The following IGF2BP2 variants were observed in gnomAD, a reference collection of about 807,000 sequenced individuals.
IGF2BP2 encodes insulin like growth factor 2 mRNA binding protein 2, also known as insulin-like growth factor 2 mRNA-binding protein 2.
In IGF2BP2, 17 loss-of-function variants were observed where a neutral mutation model predicts 75.8. The ratio of observed to expected loss-of-function variants is 0.22; its 90% confidence interval spans 0.15 to 0.34. IGF2BP2 has a LOEUF of 0.34. IGF2BP2 is among the 10% of genes least tolerant of loss of function. The pLI is 1.00. For missense variants in IGF2BP2, 516 were observed against 772.4 expected (o/e 0.67, Z 3.93); for synonymous variants, 288 against 295.6 (o/e 0.97, Z 0.26).
At chr3:185,729,974 A>G (rs1393442757) in intron 2 of IGF2BP2, among the ~76,000 whole-genome samples, 1 of 152,174 alleles carries the variant, frequency 6.6e-6, no homozygotes, top group Non-Finnish European at 1.5e-5. Context: ...ACTTTAGAAA[A>G]AATATTGTTT....
At chr3:185,800,994 G>T (rs551443520) in intron 2 of IGF2BP2, among the ~76,000 whole-genome samples, 1 of 148,302 alleles carries the variant, frequency 6.7e-6, no homozygotes, top group Admixed American at 6.7e-5. Context: ...AATCTACAAG[G>T]AACTTAAACA....
intron 2 of IGF2BP2, among the ~76,000 whole-genome samples, chr3:185,729,485 T>C (rs73175565): frequency 0.14 from 21,878 of 152,252 alleles, 1,871 homozygotes; most frequent in Middle Eastern, 0.25. Context: ...AGCTTGCAGC[T>C]TCCCAATACT....
chr3:185,756,391 C>A (rs1004265874), intron 2 of IGF2BP2, among the ~76,000 whole-genome samples: 5 of 152,134 alleles, frequency 3.3e-5, no homozygotes, highest in Non-Finnish European at 7.4e-5. Flanking sequence ...TCTTTTATAG[C>A]AATACAAAAA....
At chr3:185,663,566 G>A (rs183607350) in intron 10 of IGF2BP2, among the ~76,000 whole-genome samples, 55 of 152,170 alleles carry the variant, frequency 3.6e-4, no homozygotes, top group African/African-American at 1.2e-3. Flanking sequence ...TTCAAGCTGC[G>A]ATGTGTGACC....
At chr3:185,680,201 T>C (rs562150922) in intron 7 of IGF2BP2, among the ~76,000 whole-genome samples, 47 of 152,236 alleles carry the variant, frequency 3.1e-4, no homozygotes, top group African/African-American at 1.1e-3. Context: ...TTTAATAACC[T>C]AGAAGAAATG....
rs80286766 is a variant in IGF2BP2 at position 185,713,431 on chromosome 3, G to A, written c.240-15084C>T. On this transcript the variant is annotated intron_variant, in intron 2 of 15. Coordinates refer to ENST00000382199, the MANE Select transcript of IGF2BP2 (RefSeq NM_006548.6). ...CAGCAGTGGGCGGCTTGGTTTAATG[G>A]CAACACCACTAGATAACTGTCTAAG... is the stretch of plus-strand genomic sequence containing the variant. 3.1e-4 allele frequency: 159 copies of A among 520,032 alleles called. 1 individual carries two copies. The East Asian group carries it at 8.1e-3, about 26-fold the overall frequency. The allele number at this position is 520,032 out of a possible 1,614,324, so 32.2% of individuals were successfully genotyped here. A position where few individuals can be genotyped will look rare whatever the true frequency, so the allele number is the denominator to read the frequency against.
At chr3:185,689,253 C>G in intron 6 of IGF2BP2, 102 bp downstream of exon 6, 2 of 1,210,646 alleles carry the variant, frequency 1.7e-6, no homozygotes, top group Non-Finnish European at 2.3e-6. Flanking sequence ...AGCACAGCCC[C>G]CCACTGCTGA....
chr3:185,708,038 T>G (rs147317881), intron 2 of IGF2BP2, among the ~76,000 whole-genome samples: 1 of 152,230 alleles, frequency 6.6e-6, no homozygotes, highest in Non-Finnish European at 1.5e-5. Flanking sequence ...AAATCACCAT[T>G]ACTACTGACA....
intron 2 of IGF2BP2, among the ~76,000 whole-genome samples, chr3:185,736,220 G>A (rs1184101735): frequency 6.6e-6 from 1 of 152,180 alleles, no homozygotes; most frequent in Non-Finnish European, 1.5e-5. Context: ...CAAGGTCACG[G>A]GGACTCGGAG....
chr3:185,784,773 A>G (rs1469989065), intron 2 of IGF2BP2, among the ~76,000 whole-genome samples: 2 of 152,192 alleles, frequency 1.3e-5, no homozygotes, highest in Non-Finnish European at 2.9e-5. Flanking sequence ...TACAATGGGC[A>G]TTTGCAGAAG....
At chr3:185,792,761 G>A (rs1392030401) in intron 2 of IGF2BP2, among the ~76,000 whole-genome samples, 3 of 142,728 alleles carry the variant, frequency 2.1e-5, no homozygotes, top group Admixed American at 7.1e-5. Context: ...ACAAGACTCC[G>A]TCTCAAAAAA....
rs202064714 is a variant in IGF2BP2 at position 185,820,235 on chromosome 3, TACACACAC to T, written c.239+2910_239+2917del. The stretch of plus-strand genomic sequence containing the variant: ...GTGTGTGTATGTGTATATATACACA[TACACACAC>T]ACACACACACACACACACACACACA... On this transcript the variant is annotated intron_variant, in intron 2 of 15. Transcript: ENST00000382199. Among the ~76,000 whole-genome samples the T allele has an allele frequency of 6.2e-3, 641 of 102,814 alleles. 1 individual carries two copies. Among genetic ancestry groups the T allele is most frequent in the African/African-American group, 0.017 (464 of 27,192 alleles). 67.4% of individuals were successfully genotyped at this position (102,814 alleles called of 152,430 possible). A position where few individuals can be genotyped will look rare whatever the true frequency, so the allele number is the denominator to read the frequency against.
At chr3:185,702,401 G>A (rs140999275) in intron 2 of IGF2BP2, among the ~76,000 whole-genome samples, 2 of 151,920 alleles carry the variant, frequency 1.3e-5, no homozygotes, top group African/African-American at 4.8e-5. Context: ...TGAGAGTATC[G>A]ATCTTTCTCC....
chr3:185,706,741 CTTTT>C (rs768995397), intron 2 of IGF2BP2, among the ~76,000 whole-genome samples: 8 of 139,410 alleles, frequency 5.7e-5, no homozygotes, highest in Admixed American at 7.2e-5. Context: ...GAGATTCCTT[CTTTT>C]TTTTTTTTTT....
At position 185,823,197 on chromosome 3, in the gene IGF2BP2, A is replaced by T. The variant is rs1039767729; in HGVS notation, c.195T>A (p.His65Gln). 27 of 1,609,936 alleles carry T rather than the reference A, an allele frequency of 1.7e-5. No individual in the cohort carries two copies. Among genetic ancestry groups the T allele is most frequent in the Non-Finnish European group, 2.3e-5 (27 of 1,177,874 alleles). The part of the protein sequence containing the change: ...IETLSGKVEL[H>Q]GKIMEVDYSV... ...AGTAATCAACTTCCATGATTTTCCC[A>T]TGCAATTCCACTTTACCTTTAAAAC... is the stretch of plus-strand genomic sequence containing the variant. Residue 65 changes from histidine (H) to glutamine (Q), a missense_variant, in exon 2 of 16, where the codon CAT (histidine) becomes CAA (glutamine). His to Gln is a conservative substitution (Grantham distance 24). Coordinates refer to ENST00000382199, the MANE Select transcript of IGF2BP2 (RefSeq NM_006548.6).
chr3:185,821,616 A>C (rs1269311176), intron 2 of IGF2BP2, among the ~76,000 whole-genome samples: 1 of 152,126 alleles, frequency 6.6e-6, no homozygotes, highest in Non-Finnish European at 1.5e-5. Context: ...ATGAGACACC[A>C]ACTAAGATAA....
At chr3:185,768,327 G>C (rs1733373449) in intron 2 of IGF2BP2, among the ~76,000 whole-genome samples, 1 of 152,150 alleles carries the variant, frequency 6.6e-6, no homozygotes, top group African/African-American at 2.4e-5. Flanking sequence ...TGAAGAACCT[G>C]GGCGACATGA....
At chr3:185,704,203 C>A (rs974405296) in intron 2 of IGF2BP2, among the ~76,000 whole-genome samples, 2 of 152,180 alleles carry the variant, frequency 1.3e-5, no homozygotes, top group Admixed American at 6.5e-5. Context: ...GTATGCTAAC[C>A]GGCCCCGAGC....
At chr3:185,649,284 G>A in intron 14 of IGF2BP2, 119 bp downstream of exon 14, 3 of 1,346,062 alleles carry the variant, frequency 2.2e-6, no homozygotes, top group Non-Finnish European at 3.1e-6. Context: ...TAGTTTATCT[G>A]CCAAAGACCC....
Sources: gnomAD v4.1 joint callset for allele counts (sites outside exome capture counted in the v4.1 genomes callset) on GRCh38, gnomAD v4.1.1 for gene constraint, MANE v1.5 for transcripts, NCBI Gene and HGNC (gene_info 2026-07-23, HGNC 2026-07-21) for gene names.